SEC61B: variants seen among roughly 807,000 people sequenced by gnomAD.
SEC61B encodes SEC61 translocon subunit beta, also known as protein transport protein Sec61 subunit beta.
SEC61B carries 7 observed loss-of-function variants against 12.6 expected under a neutral mutation model. That is an observed-to-expected ratio of 0.55 (90% confidence interval 0.32 to 1.04). The LOEUF is 1.04. Ranked by LOEUF, SEC61B falls within the 50% of genes least tolerant of loss-of-function variation. The pLI is 0.05. For synonymous variants in SEC61B, 54 were observed against 50.1 expected (o/e 1.08, Z -0.33); for missense variants, 107 against 130.1 (o/e 0.82, Z 0.86).
intron 1 of SEC61B, 67 bp from the exon 2 acceptor site, chr9:99,222,479 G>A: frequency 1.2e-6 from 2 of 1,600,802 alleles, no homozygotes; most frequent in Non-Finnish European, 1.7e-6. Flanking sequence ...GGGTGTGGGT[G>A]TCTAGGCCGG....
chr9:99,227,980 A>T lies in SEC61B; in HGVS notation c.183A>T (p.Glu61Asp). ...GTGGMWRFYTEDSPGLKVGPV... is the reference protein window; with the variant it reads ...GTGGMWRFYTDDSPGLKVGPV... ...GGGGGATGTGGCGATTCTACACAGAAGATTCACCTGGGCTCAAAGTGTAAG... is the reference window on the plus strand; with the variant it reads ...GGGGGATGTGGCGATTCTACACAGATGATTCACCTGGGCTCAAAGTGTAAG... Residue 61 changes from glutamate to aspartate, a missense_variant, in exon 3 of 4, where the codon GAA becomes GAT. Transcript: ENST00000223641. 1 of 1,613,950 alleles carries T rather than the reference A, an allele frequency of 6.2e-7. No homozygotes were observed. Among genetic ancestry groups the T allele is most frequent in the Non-Finnish European group, 8.5e-7 (1 of 1,179,836 alleles).
intron 3 of SEC61B, among the ~76,000 whole-genome samples, chr9:99,228,900 G>A (rs781583554): frequency 6.6e-6 from 1 of 152,106 alleles, no homozygotes; most frequent in African/African-American, 2.4e-5. Flanking sequence ...TGGATATTCT[G>A]ATTAAGTCCT....
At chr9:99,225,893 A>G (rs1033828973) in intron 2 of SEC61B, among the ~76,000 whole-genome samples, 1 of 152,244 alleles carries the variant, frequency 6.6e-6, no homozygotes, top group Non-Finnish European at 1.5e-5. Context: ...GTCCTGGCTC[A>G]GTCCATGACT....
chr9:99,223,136 C>G (rs1217368930), intron 2 of SEC61B: 1 of 152,768 alleles, frequency 6.5e-6, no homozygotes, highest in Non-Finnish European at 1.5e-5. Flanking sequence ...CTCTTTCTCT[C>G]TCTAGTCATA....
intron 2 of SEC61B, 88 bp from the exon 3 acceptor site, chr9:99,227,811 T>C: frequency 1.1e-6 from 1 of 925,358 alleles, no homozygotes; most frequent in Non-Finnish European, 1.7e-6. Flanking sequence ...TTTTGATTCC[T>C]TAACTGTGTA....
intron 3 of SEC61B, among the ~76,000 whole-genome samples, chr9:99,229,655 G>A (rs1035035242): frequency 6.6e-6 from 1 of 151,904 alleles, no homozygotes; most frequent in Non-Finnish European, 1.5e-5. Context: ...GCTCTTCAGG[G>A]GACTCATTTT....
rs200458279 is a variant in SEC61B, at chr9:99,222,932, G to T, written c.101+289G>T. 7 of 309,680 alleles carry T rather than the reference G, an allele frequency of 2.3e-5. No individual in the cohort carries two copies. The East Asian group carries it at 4.4e-4, about 19-fold the overall frequency. The allele number at this position is 309,680 out of a possible 1,614,324, so 19.2% of individuals were successfully genotyped here. A position where few individuals can be genotyped will look rare whatever the true frequency, so the allele number is the denominator to read the frequency against. On this transcript the variant is annotated intron_variant, in intron 2 of 3. Coordinates refer to ENST00000223641, the MANE Select transcript of SEC61B (RefSeq NM_006808.3). The stretch of plus-strand genomic sequence containing the variant: ...TTAAACTGGTGTCTCTGGACCTGAG[G>T]TTTGCACTCACATTTCCATCTGGCG...
intron 2 of SEC61B, among the ~76,000 whole-genome samples, chr9:99,225,204 T>G (rs72739295): frequency 6.6e-6 from 1 of 152,236 alleles, no homozygotes; most frequent in African/African-American, 2.4e-5. Flanking sequence ...TTTGTACTCA[T>G]GAACCTTATA....
At chr9:99,230,259 C>T (rs946052685) in intron 3 of SEC61B, 78 bp from the exon 4 acceptor site, 3 of 862,930 alleles carry the variant, frequency 3.5e-6, no homozygotes, top group African/African-American at 3.5e-5. Flanking sequence ...CTACTTTTCC[C>T]CTAGGCAATC....
intron 2 of SEC61B, among the ~76,000 whole-genome samples, chr9:99,224,930 G>A (rs1828877714): frequency 6.6e-6 from 1 of 152,200 alleles, no homozygotes; most frequent in African/African-American, 2.4e-5. Flanking sequence ...GAGGAGAAAT[G>A]TTATTAAATT....
At position 99,222,331 on chromosome 9, in the gene SEC61B, C is replaced by T. The variant is rs934901529; in HGVS notation, c.-33C>T. 6.2e-7 allele frequency: 1 copy of T among 1,614,158 alleles called. No homozygotes were observed. Among genetic ancestry groups the T allele is most frequent in the Non-Finnish European group, 8.5e-7 (1 of 1,180,008 alleles). On this transcript the variant is annotated 5_prime_UTR_variant, in exon 1 of 4. Coordinates refer to ENST00000223641, the MANE Select transcript of SEC61B (RefSeq NM_006808.3). Reference sequence around the variant, plus strand: ...GGGGGCTCCGTAACTTTCTATCCGTCCGCGTCAGCGCCTTGCCACCCTCAT... The same window carrying T: ...GGGGGCTCCGTAACTTTCTATCCGTTCGCGTCAGCGCCTTGCCACCCTCAT...
intron 2 of SEC61B, among the ~76,000 whole-genome samples, chr9:99,227,376 TTTTTGTCTG>T (rs1564229064): frequency 6.6e-6 from 1 of 151,854 alleles, no homozygotes; most frequent in Admixed American, 6.6e-5. Flanking sequence ...AAGCTTAAAG[TTTTTGTCTG>T]TTTGCAGTAA....
intron 2 of SEC61B, among the ~76,000 whole-genome samples, chr9:99,225,876 C>T (rs888374637): frequency 2.0e-5 from 3 of 152,164 alleles, no homozygotes; most frequent in Non-Finnish European, 2.9e-5. Flanking sequence ...GAAGTGCATG[C>T]GTCCAAGTCC....
rs1828833309 is a variant in SEC61B, at chr9:99,222,320, T to C, written c.-44T>C. ...GCCGGTCTTTCGGGGGCTCCGTAAC[T>C]TTCTATCCGTCCGCGTCAGCGCCTT... On this transcript the variant is annotated 5_prime_UTR_variant, in exon 1 of 4. Transcript: ENST00000223641. 3 of 1,614,074 alleles carry C rather than the reference T, an allele frequency of 1.9e-6. No homozygotes were observed. The highest frequency in any genetic ancestry group is 1.7e-6 in the Non-Finnish European group (2 of 1,179,982).
intron 2 of SEC61B, 23 bp downstream of exon 2, chr9:99,222,666 C>T (rs1214319664): frequency 6.8e-7 from 1 of 1,461,028 alleles, no homozygotes. Context: ...GCAGTTCGTT[C>T]GCTTCCAGAC....
intron 2 of SEC61B, among the ~76,000 whole-genome samples, chr9:99,225,740 C>T (rs1391899250): frequency 2.0e-5 from 3 of 152,180 alleles, no homozygotes; most frequent in African/African-American, 7.2e-5. Context: ...AAATACTCTT[C>T]TATGTTCCAT....
chr9:99,230,323 C>T lies in SEC61B; in HGVS notation c.204-14C>T, dbSNP rs765055518. On this transcript the variant is annotated splice_polypyrimidine_tract_variant and intron_variant, in intron 3 of 3. Transcript: ENST00000223641. ...ATTACTAAAAGTAAGCATGCTTTCTCTTCTTATTTCTAGTGGCCCTGTTCC... is the reference window on the plus strand; with the variant it reads ...ATTACTAAAAGTAAGCATGCTTTCTTTTCTTATTTCTAGTGGCCCTGTTCC... The T allele has an allele frequency of 5.8e-6, 9 of 1,539,740 alleles. No individual in the cohort carries two copies. In the East Asian group the frequency reaches 6.9e-5, roughly 12 times the overall value.
intron 2 of SEC61B, among the ~76,000 whole-genome samples, chr9:99,224,414 G>A (rs556994134): frequency 9.3e-4 from 141 of 152,202 alleles, no homozygotes; most frequent in African/African-American, 3.1e-3. Context: ...CTGTGGGTGC[G>A]GTTCCTTGGG....
At chr9:99,226,872 G>A (rs1385260026) in intron 2 of SEC61B, among the ~76,000 whole-genome samples, 2 of 152,124 alleles carry the variant, frequency 1.3e-5, no homozygotes, top group African/African-American at 4.8e-5. Flanking sequence ...TACAAGCCTT[G>A]ATCCCCTTGT....
Sources: gnomAD v4.1 joint callset for allele counts (sites outside exome capture counted in the v4.1 genomes callset) on GRCh38, gnomAD v4.1.1 for gene constraint, MANE v1.5 for transcripts, NCBI Gene and HGNC (gene_info 2026-07-23, HGNC 2026-07-21) for gene names.